Variants in KRT26 observed in about 807,000 individuals in gnomAD.
KRT26 encodes the protein keratin 26.
In KRT26, 45 loss-of-function variants were observed where a neutral mutation model predicts 46.1. The observed-to-expected ratio is 0.98, with a 90% CI of 0.77 to 1.25. The LOEUF is 1.25. KRT26 is among the 50% of genes most tolerant of loss of function. KRT26 has a pLI of 0.00. For synonymous variants in KRT26, 191 were observed against 209.9 expected, an observed-to-expected ratio of 0.91 and a Z score of 0.78; for missense variants, 582 against 560.1, an observed-to-expected ratio of 1.04 and a Z score of -0.39.
intron 6 of KRT26, among the ~76,000 whole-genome samples, chr17:40,768,417 C>A (rs889324340): frequency 1.1e-4 from 17 of 152,198 alleles, no homozygotes; most frequent in Admixed American, 2.0e-4. Context: ...TGATTCACAG[C>A]CAGGGCTGCA....
At chr17:40,768,892 C>G in exon 6 of KRT26, 1 of 1,488,006 alleles carries the variant, frequency 6.7e-7, no homozygotes, top group Non-Finnish European at 9.3e-7. Flanking sequence ...TCTTCTCCAT[C>G]TAGTAAGTTG....
exon 4 of KRT26, chr17:40,769,976 G>C: frequency 6.2e-7 from 1 of 1,614,120 alleles, no homozygotes; most frequent in Non-Finnish European, 8.5e-7. Flanking sequence ...CGTTGAACCA[G>C]GCTTCAGCAT....
chr17:40,770,516 C>T, intron 2 of KRT26, 107 bp from the exon 3 acceptor site: 1 of 834,548 alleles, frequency 1.2e-6, no homozygotes, highest in Admixed American at 2.9e-5. Flanking sequence ...GTACATACCT[C>T]TGAAGCTTCT....
At chr17:40,768,812 A>AT (rs2038192198) in intron 6 of KRT26, 67 bp downstream of exon 6, 13 of 802,858 alleles carry the variant, frequency 1.6e-5, no homozygotes, top group Middle Eastern at 3.6e-4. Flanking sequence ...CAATATTGGC[A>AT]TACCTATACT....
chr17:40,768,850 T>C, intron 6 of KRT26, 29 bp downstream of exon 6: 1 of 1,222,874 alleles, frequency 8.2e-7, no homozygotes, highest in South Asian at 1.5e-5. Context: ...ATGTGAGGTT[T>C]TTTTTTTTTT....
At chr17:40,771,982 A>T in exon 1 of KRT26, 1 of 1,614,194 alleles carries the variant, frequency 6.2e-7, no homozygotes, top group East Asian at 2.2e-5. Context: ...CAAGAGTACA[A>T]GAAAAGCTGC....
chr17:40,766,757 T>C, intron 7 of KRT26, 91 bp from the exon 8 acceptor site: 2 of 905,212 alleles, frequency 2.2e-6, no homozygotes, highest in Non-Finnish European at 3.4e-6. Context: ...TTTGTTTTTT[T>C]GAGAAGGAGT....
exon 1 of KRT26, chr17:40,772,048 G>C: frequency 1.2e-6 from 2 of 1,614,062 alleles, no homozygotes; most frequent in Non-Finnish European, 1.7e-6. Flanking sequence ...TTCCTCCACC[G>C]GACAGCCTAC....
At position 40,769,732 on chromosome 17, in the gene KRT26, T is replaced by G. The variant is rs1447419488; in HGVS notation, c.969+22A>C. On this transcript the variant is annotated intron_variant, in intron 5 of 7. Transcript: ENST00000335552. ...TATACATATTCACACATATATTCAA[T>G]TCAATGGCGATTCCTACGTACCACA... 1.9e-6 allele frequency: 3 copies of G among 1,613,588 alleles called. No homozygotes were observed. The African/African-American group carries it at 4.0e-5, about 22-fold the overall frequency.
At chr17:40,766,475 T>C in exon 8 of KRT26, 1 of 1,483,248 alleles carries the variant, frequency 6.7e-7, no homozygotes, top group Non-Finnish European at 9.1e-7. Context: ...TTTCTCTCTC[T>C]CTCTCTTTCT....
chr17:40,769,974 C>T lies in KRT26; in HGVS notation c.830G>A (p.Trp277Ter), dbSNP rs2038206967. 2 of 1,614,184 alleles carry T rather than the reference C, an allele frequency of 1.2e-6. No homozygotes were observed. Among genetic ancestry groups the T allele is most frequent in the Non-Finnish European group, 1.7e-6 (2 of 1,180,032 alleles). The change falls in exon 4 of 8, where the codon TGG becomes TAG. Residue 277 changes from tryptophan to a stop codon, truncating the protein, a stop_gained. Coordinates refer to ENST00000335552, the Ensembl canonical transcript of KRT26. LOFTEE classifies it high-confidence loss of function. ...CCATAGACCTACCCTCTCGTTGAAC[C>T]AGGCTTCAGCATCTTTGCGGTTCTG...
exon 7 of KRT26, chr17:40,767,586 C>A: frequency 6.3e-7 from 1 of 1,598,684 alleles, no homozygotes; most frequent in Non-Finnish European, 8.5e-7. Flanking sequence ...CTATCTATAC[C>A]TTTGGCTTGA....
chr17:40,771,465 G>A (rs900069185), intron 1 of KRT26, among the ~76,000 whole-genome samples: 4 of 152,068 alleles, frequency 2.6e-5, no homozygotes, highest in Non-Finnish European at 5.9e-5. Context: ...TATGAAAAAC[G>A]AAGTGACTAT....
chr17:40,768,186 G>T (rs901983674), intron 6 of KRT26, among the ~76,000 whole-genome samples: 7 of 152,186 alleles, frequency 4.6e-5, no homozygotes, highest in Non-Finnish European at 1.0e-4. Context: ...GGTGCAAGAC[G>T]TTACCTCCTC....
chr17:40,770,112 A>T lies in KRT26; in HGVS notation c.692T>A (p.Val231Asp), dbSNP rs148831923. Reference sequence around the variant, plus strand: ...GTTCCCCCCAGCTGTATATTGCAAGACTTCCATTTCCTAGAAAAGGGATCG... The same window carrying T: ...GTTCCCCCCAGCTGTATATTGCAAGTCTTCCATTTCCTAGAAAAGGGATCG... The change falls in exon 4 of 8, where the codon GTC becomes GAC. Residue 231 changes from valine (V) to aspartate (D), a missense_variant. Transcript: ENST00000335552. 2.1e-4 allele frequency: 335 copies of T among 1,614,142 alleles called. No individual in the cohort carries two copies. In the African/African-American group the frequency reaches 4.2e-3, roughly 20 times the overall value.
At chr17:40,767,071 C>G (rs2038178240) in intron 7 of KRT26, among the ~76,000 whole-genome samples, 1 of 152,140 alleles carries the variant, frequency 6.6e-6, no homozygotes, top group African/African-American at 2.4e-5. Context: ...ATGTTTTTTG[C>G]AAGTTTGCAG....
At chr17:40,769,848 T>C (rs1286112736) in exon 5 of KRT26, 4 of 1,614,232 alleles carry the variant, frequency 2.5e-6, no homozygotes, top group Non-Finnish European at 2.5e-6. Context: ...TGCTCCCTCA[T>C]GATCGGAAAT....
intron 7 of KRT26, 65 bp downstream of exon 7, chr17:40,767,521 T>C (rs778177403): frequency 2.8e-5 from 26 of 937,952 alleles, no homozygotes; most frequent in Non-Finnish European, 3.7e-5. Flanking sequence ...AAAAAATAAG[T>C]AACTTAGTTA....
Position 40,770,089 on chromosome 17 carries a change from TCC to T in KRT26, c.713_714del (p.Gly238GlufsTer24), listed in dbSNP as rs1007245915. The T allele has an allele frequency of 6.2e-7, 1 of 1,614,022 alleles. No homozygotes were observed. Among genetic ancestry groups the T allele is most frequent in the African/African-American group, 1.3e-5 (1 of 74,980 alleles). Reference sequence around the variant, plus strand: ...GTTGCATTCATCTCCACGTTCACGTTCCCCCCAGCTGTATATTGCAAGACTTC... The same window carrying T: ...GTTGCATTCATCTCCACGTTCACGTTCCCCAGCTGTATATTGCAAGACTTC... On this transcript the variant is annotated frameshift_variant, in exon 4 of 8. Transcript: ENST00000335552. LOFTEE classifies it high-confidence loss of function.
Sources: gnomAD v4.1 joint callset for allele counts (sites outside exome capture counted in the v4.1 genomes callset) on GRCh38, gnomAD v4.1.1 for gene constraint, MANE v1.5 for transcripts, NCBI Gene and HGNC (gene_info 2026-07-23, HGNC 2026-07-21) for gene names.